Variants in SMAD2 observed in about 807,000 individuals in gnomAD.
SMAD2 encodes the protein SMAD family member 2.
In SMAD2, 8 loss-of-function variants were observed where a neutral mutation model predicts 64.4. The observed-to-expected ratio is 0.12, with a 90% CI of 0.07 to 0.22. The LOEUF is 0.22. Ranked by LOEUF, SMAD2 falls within the 10% of genes least tolerant of loss-of-function variation. The pLI is 1.00. For synonymous variants in SMAD2, 203 were observed against 195.8 expected (o/e 1.04, Z -0.31); for missense variants, 289 against 561.2 (o/e 0.51, Z 4.90).
At chr18:47,863,826 C>T (rs2031365603) in intron 6 of SMAD2, among the ~76,000 whole-genome samples, 1 of 152,166 alleles carries the variant, frequency 6.6e-6, no homozygotes, top group South Asian at 2.1e-4. Flanking sequence ...AATATGTTAA[C>T]TCTGTATTTA....
intron 1 of SMAD2, among the ~76,000 whole-genome samples, chr18:47,919,897 T>C (rs936788186): frequency 2.0e-5 from 3 of 152,228 alleles, no homozygotes; most frequent in Non-Finnish European, 4.4e-5. Context: ...TATATATGTA[T>C]GGATTTCTTT....
In SMAD2 at chr18:47,930,399, G is replaced by A. The variant is rs2034957415; in HGVS notation, c.-92C>T. On this transcript the variant is annotated 5_prime_UTR_variant, in exon 1 of 11. Coordinates refer to ENST00000262160, the MANE Select transcript of SMAD2 (RefSeq NM_005901.6). ...CCAGGTCCCGCCCCGTCAGATCCGGGGGGTCCGGGACCTTTTGTTCCTTCC... is the reference window on the plus strand; with the variant it reads ...CCAGGTCCCGCCCCGTCAGATCCGGAGGGTCCGGGACCTTTTGTTCCTTCC... 1 of 152,248 alleles carries A rather than the reference G, an allele frequency of 6.6e-6. No individual in the cohort carries two copies. Among genetic ancestry groups the A allele is most frequent in the Non-Finnish European group, 1.5e-5 (1 of 68,120 alleles). 9.4% of individuals were successfully genotyped at this position (152,248 alleles called of 1,614,324 possible). A position where few individuals can be genotyped will look rare whatever the true frequency, so the allele number is the denominator to read the frequency against.
At position 47,820,358 on chromosome 18, in the gene SMAD2, A is replaced by T. The variant is rs1227052796; in HGVS notation, c.*21469T>A. 6.6e-6 allele frequency: 1 copy of T among 152,200 alleles called. No individual in the cohort carries two copies. The highest frequency in any genetic ancestry group is 1.5e-5 in the Non-Finnish European group (1 of 68,030). The allele number at this position is 152,200 out of a possible 1,614,324, so 9.4% of individuals were successfully genotyped here. A position where few individuals can be genotyped will look rare whatever the true frequency, so the allele number is the denominator to read the frequency against. ...TTGAAAATACACAATTCCATATACA[A>T]AGTGTACCCAAAAAAAGATGTTTTG... is the stretch of plus-strand genomic sequence containing the variant. On this transcript the variant is annotated 3_prime_UTR_variant, in exon 11 of 11. Transcript: ENST00000262160.
intron 2 of SMAD2, 29 bp from the exon 3 acceptor site, chr18:47,870,593 G>C (rs2144385298): frequency 7.2e-7 from 1 of 1,382,352 alleles, no homozygotes; most frequent in Non-Finnish European, 1.0e-6. Flanking sequence ...ACAAAAAATT[G>C]ATGTGAACAT....
At position 47,838,578 on chromosome 18, in the gene SMAD2, T is replaced by C. The variant is rs1333208323; in HGVS notation, c.*3249A>G. 4.3e-6 allele frequency: 1 copy of C among 232,918 alleles called. No homozygotes were observed. The highest frequency in any genetic ancestry group is 8.5e-6 in the Non-Finnish European group (1 of 117,868). The allele number at this position is 232,918 out of a possible 1,614,324, so 14.4% of individuals were successfully genotyped here. On this transcript the variant is annotated 3_prime_UTR_variant, in exon 11 of 11. Transcript: ENST00000262160. ...TCTAATCATGAAAGCTTCTTTAAAG[T>C]AGGATAAAAAGAGCACAATCAGCGG...
At chr18:47,905,276 A>G (rs746466312) in intron 1 of SMAD2, among the ~76,000 whole-genome samples, 8 of 152,202 alleles carry the variant, frequency 5.3e-5, no homozygotes, top group Admixed American at 1.3e-4. Flanking sequence ...AACACTAAGA[A>G]TTACAAAATA....
Position 47,833,922 on chromosome 18 carries a change from T to G in SMAD2, c.*7905A>C. 1 of 226,024 alleles carries G rather than the reference T, an allele frequency of 4.4e-6. No homozygotes were observed. Among genetic ancestry groups the G allele is most frequent in the Non-Finnish European group, 8.8e-6 (1 of 113,724 alleles). The allele number at this position is 226,024 out of a possible 1,614,324, so 14.0% of individuals were successfully genotyped here. A position where few individuals can be genotyped will look rare whatever the true frequency, so the allele number is the denominator to read the frequency against. ...GTTTAACCCCATAAGGACGCATGAT[T>G]TGTACTTACATATACACATAGGTTC... is the stretch of plus-strand genomic sequence containing the variant. On this transcript the variant is annotated 3_prime_UTR_variant, in exon 11 of 11. Transcript: ENST00000262160.
chr18:47,905,078 C>T (rs80007234), intron 1 of SMAD2, among the ~76,000 whole-genome samples: 5,409 of 152,234 alleles, frequency 0.036, 128 homozygotes, highest in Non-Finnish European at 0.054. Flanking sequence ...ACTTTATATT[C>T]TACAGTGATA....
At chr18:47,889,954 G>T (rs1052034529) in intron 2 of SMAD2, among the ~76,000 whole-genome samples, 11 of 152,174 alleles carry the variant, frequency 7.2e-5, no homozygotes, top group Non-Finnish European at 1.2e-4. Context: ...TACAGAAATT[G>T]ATTAATTTAG....
chr18:47,919,512 ACACACAC>A (rs1568116949), intron 1 of SMAD2, among the ~76,000 whole-genome samples: 3 of 145,200 alleles, frequency 2.1e-5, no homozygotes, highest in Non-Finnish European at 3.0e-5. Context: ...ACACACACAC[ACACACAC>A]AAAGAATAGG....
At chr18:47,848,019 A>T (rs373722634) in intron 8 of SMAD2, among the ~76,000 whole-genome samples, 1 of 152,156 alleles carries the variant, frequency 6.6e-6, no homozygotes, top group African/African-American at 2.4e-5. Flanking sequence ...CTTGTTTTAG[A>T]TATCTCATTT....
At chr18:47,852,432 G>A (rs1451659969) in intron 6 of SMAD2, among the ~76,000 whole-genome samples, 2 of 152,238 alleles carry the variant, frequency 1.3e-5, no homozygotes, top group Non-Finnish European at 2.9e-5. Flanking sequence ...CAGGCTAACA[G>A]TAATAAAATA....
chr18:47,917,988 C>G (rs1292555554), intron 1 of SMAD2, among the ~76,000 whole-genome samples: 1 of 152,094 alleles, frequency 6.6e-6, no homozygotes. Flanking sequence ...TCTAGGCTAG[C>G]TGTAGGAAAA....
chr18:47,861,697 T>G (rs2031201310), intron 6 of SMAD2, among the ~76,000 whole-genome samples: 1 of 152,218 alleles, frequency 6.6e-6, no homozygotes. Flanking sequence ...TTTCCTATTT[T>G]ATAGAGCTGA....
intron 1 of SMAD2, among the ~76,000 whole-genome samples, chr18:47,907,159 T>C (rs1450382702): frequency 6.6e-6 from 1 of 151,768 alleles, no homozygotes; most frequent in African/African-American, 2.4e-5. Flanking sequence ...AAGTTAAACA[T>C]AGATCTACCC....
chr18:47,907,061 C>T (rs1383967026), intron 1 of SMAD2, among the ~76,000 whole-genome samples: 6 of 152,056 alleles, frequency 3.9e-5, no homozygotes, highest in African/African-American at 7.2e-5. Context: ...TTCAGTCTAC[C>T]ACATCAAGCA....
Position 47,848,457 on chromosome 18 carries a change from A to C in SMAD2, c.997+18T>G, listed in dbSNP as rs139429167. On this transcript the variant is annotated intron_variant, in intron 8 of 10. Transcript: ENST00000262160. ...GTATACAGCATTTATTTTTCACAACAAGGAAAATAAAACATACCTATATGC... is the reference window on the plus strand; with the variant it reads ...GTATACAGCATTTATTTTTCACAACCAGGAAAATAAAACATACCTATATGC... 1.1e-3 allele frequency: 1,760 copies of C among 1,567,506 alleles called. 9 individuals carry two copies. In the African/African-American group the frequency reaches 0.021, roughly 19 times the overall value.
intron 2 of SMAD2, among the ~76,000 whole-genome samples, chr18:47,881,567 T>G (rs906728838): frequency 1.3e-5 from 2 of 152,224 alleles, no homozygotes; most frequent in Non-Finnish European, 2.9e-5. Context: ...CTTCAGATCT[T>G]TAAACCTTTT....
chr18:47,910,100 T>C (rs1015981481), intron 1 of SMAD2, among the ~76,000 whole-genome samples: 6 of 150,252 alleles, frequency 4.0e-5, no homozygotes, highest in Non-Finnish European at 2.9e-5. Context: ...GAAAACAGTA[T>C]CCAGATGTGC....
Sources: gnomAD v4.1 joint callset for allele counts (sites outside exome capture counted in the v4.1 genomes callset) on GRCh38, gnomAD v4.1.1 for gene constraint, MANE v1.5 for transcripts, NCBI Gene and HGNC (gene_info 2026-07-23, HGNC 2026-07-21) for gene names.